Variants in RSBN1L observed in about 807,000 individuals in gnomAD.
RSBN1L encodes lysine-specific demethylase RSBN1L.
RSBN1L carries 30 observed loss-of-function variants against 67.7 expected under a neutral mutation model. That is an observed-to-expected ratio of 0.44 (90% CI 0.33 to 0.60). The LOEUF is 0.60. Among genes scored for constraint, RSBN1L ranks in the 20% least tolerant of loss-of-function variants. The probability of loss-of-function intolerance (pLI) is 0.02; values close to 1 mark genes in which losing one functional copy is unlikely to be tolerated. For synonymous variants in RSBN1L, 433 were observed against 387.0 expected, an observed-to-expected ratio of 1.12 and a Z score of -1.39; for missense variants, 992 against 1,031.7, an observed-to-expected ratio of 0.96 and a Z score of 0.53.
chr7:77,732,003 T>C (rs1791278110), intron 1 of RSBN1L, among the ~76,000 whole-genome samples: 1 of 152,216 alleles, frequency 6.6e-6, no homozygotes, highest in African/African-American at 2.4e-5. Context: ...TTGCCTATAA[T>C]ACATTGTCAT....
intron 1 of RSBN1L, among the ~76,000 whole-genome samples, chr7:77,710,627 G>A (rs113304630): frequency 1.4e-3 from 219 of 151,970 alleles, no homozygotes; most frequent in African/African-American, 4.6e-3. Flanking sequence ...ATAGAGTCTC[G>A]CTCTGTTGCT....
At chr7:77,711,347 A>G (rs922395921) in intron 1 of RSBN1L, among the ~76,000 whole-genome samples, 3 of 95,326 alleles carry the variant, frequency 3.1e-5, no homozygotes, top group Admixed American at 2.1e-4. Flanking sequence ...TTTTTTTACC[A>G]TTTTTATTCT....
chr7:77,750,876 A>G (rs889632697), intron 3 of RSBN1L, among the ~76,000 whole-genome samples: 5 of 152,220 alleles, frequency 3.3e-5, no homozygotes, highest in African/African-American at 7.2e-5. Flanking sequence ...ACACCTCTCA[A>G]TTTACAAATA....
At chr7:77,738,978 ATCTCC>A (rs1171316393) in intron 2 of RSBN1L, among the ~76,000 whole-genome samples, 1 of 152,064 alleles carries the variant, frequency 6.6e-6, no homozygotes, top group African/African-American at 2.4e-5. Context: ...AAACCAAACT[ATCTCC>A]TCTCCTCAGT....
chr7:77,771,511 C>CTTT (rs10630112), intron 5 of RSBN1L, among the ~76,000 whole-genome samples: 22,359 of 135,960 alleles, frequency 0.16, 2,601 homozygotes, highest in African/African-American at 0.3. Flanking sequence ...CTCAGCGACT[C>CTTT]TTTTTTTTTT....
intron 1 of RSBN1L, among the ~76,000 whole-genome samples, chr7:77,720,719 T>C (rs1202999553): frequency 1.3e-5 from 2 of 151,880 alleles, no homozygotes; most frequent in African/African-American, 2.4e-5. Flanking sequence ...ATTTCTATTA[T>C]ATCACAATAC....
chr7:77,777,924 G>A (rs954226842), intron 6 of RSBN1L, among the ~76,000 whole-genome samples: 6 of 152,012 alleles, frequency 3.9e-5, no homozygotes, highest in African/African-American at 1.4e-4. Flanking sequence ...ATAGTTATAT[G>A]TATCTTCTAT....
intron 1 of RSBN1L, among the ~76,000 whole-genome samples, chr7:77,706,613 G>A (rs889171055): frequency 6.6e-6 from 1 of 152,160 alleles, no homozygotes; most frequent in African/African-American, 2.4e-5. Flanking sequence ...ATTCTGGGGG[G>A]TGGGAAATTC....
intron 5 of RSBN1L, among the ~76,000 whole-genome samples, chr7:77,770,818 C>G (rs907323708): frequency 2.0e-5 from 3 of 152,004 alleles, no homozygotes; most frequent in Non-Finnish European, 4.4e-5. Flanking sequence ...AATAACAAAA[C>G]CCTACTATGT....
At chr7:77,754,745 G>C (rs905383718) in intron 3 of RSBN1L, among the ~76,000 whole-genome samples, 6 of 152,108 alleles carry the variant, frequency 3.9e-5, no homozygotes, top group African/African-American at 1.4e-4. Flanking sequence ...TGAGGCAAGA[G>C]GATCACTAGG....
chr7:77,728,342 A>G (rs1271861040), intron 1 of RSBN1L, among the ~76,000 whole-genome samples: 2 of 152,192 alleles, frequency 1.3e-5, no homozygotes, highest in East Asian at 3.8e-4. Context: ...TTCATTCGCA[A>G]TTTTGAAGGC....
intron 2 of RSBN1L, among the ~76,000 whole-genome samples, chr7:77,745,800 A>G (rs1287280426): frequency 6.6e-6 from 1 of 152,242 alleles, no homozygotes; most frequent in Non-Finnish European, 1.5e-5. Flanking sequence ...ATGTAGAATC[A>G]GTGGGAACCC....
Position 77,745,396 on chromosome 7 carries a change from A to G in RSBN1L, c.704-4028A>G, listed in dbSNP as rs143404638. Reference sequence around the variant, plus strand: ...CTTATGTAGCAATATGCCAGATACTATGAGGGATATAATGATGGAAAAGGA... The same window carrying G: ...CTTATGTAGCAATATGCCAGATACTGTGAGGGATATAATGATGGAAAAGGA... On this transcript the variant is annotated intron_variant, in intron 2 of 7. Transcript: ENST00000334955. Among the ~76,000 whole-genome samples, 249 of 152,322 alleles carry G rather than the reference A, an allele frequency of 1.6e-3. 3 individuals carry two copies. The highest frequency in any genetic ancestry group is 5.8e-3 in the African/African-American group (239 of 41,560).
intron 1 of RSBN1L, among the ~76,000 whole-genome samples, chr7:77,724,349 AT>A (rs1791162801): frequency 1.3e-5 from 2 of 152,032 alleles, no homozygotes; most frequent in South Asian, 4.1e-4. Context: ...ATAATTATTA[AT>A]TCTTTCGGGA....
chr7:77,765,739 A>G lies in RSBN1L; in HGVS notation c.1482+107A>G, dbSNP rs879830445. ...TTGTTTCTTTCATGCTACATGCAAT[A>G]TAAATGAATGGCTGTTTCAGAAATA... On this transcript the variant is annotated intron_variant, in intron 4 of 7. Coordinates refer to ENST00000334955, the MANE Select transcript of RSBN1L (RefSeq NM_198467.3). The G allele has an allele frequency of 4.6e-5, 36 of 789,408 alleles. No homozygotes were observed. In the Admixed American group the frequency reaches 5.5e-4, roughly 12 times the overall value. The allele number at this position is 789,408 out of a possible 1,614,324, so 48.9% of individuals were successfully genotyped here. A position where few individuals can be genotyped will look rare whatever the true frequency, so the allele number is the denominator to read the frequency against.
intron 1 of RSBN1L, among the ~76,000 whole-genome samples, chr7:77,732,797 T>G (rs922189981): frequency 1.3e-5 from 2 of 152,234 alleles, no homozygotes; most frequent in African/African-American, 4.8e-5. Flanking sequence ...CTTTTATCTT[T>G]ACAAACTGCC....
chr7:77,722,856 T>C (rs1260070411), intron 1 of RSBN1L, among the ~76,000 whole-genome samples: 1 of 152,000 alleles, frequency 6.6e-6, no homozygotes, highest in African/African-American at 2.4e-5. Flanking sequence ...TCATGGCTCA[T>C]ATTCAGGGCA....
intron 1 of RSBN1L, chr7:77,697,363 G>GTCTC (rs1348452374): frequency 3.5e-6 from 1 of 288,742 alleles, no homozygotes; most frequent in Non-Finnish European, 6.4e-6. Context: ...GTTTGGCTAG[G>GTCTC]GAGAGAGATG....
intron 1 of RSBN1L, among the ~76,000 whole-genome samples, chr7:77,729,376 T>C (rs1202096499): frequency 6.6e-6 from 1 of 152,194 alleles, no homozygotes; most frequent in Admixed American, 6.5e-5. Flanking sequence ...GGAGCCCTCA[T>C]GACTTTAATA....
Sources: allele counts gnomAD v4.1 joint callset (sites outside exome capture counted in the v4.1 genomes callset), GRCh38; gene constraint gnomAD v4.1.1; transcripts MANE v1.5; gene names NCBI Gene and HGNC (gene_info 2026-07-23, HGNC 2026-07-21).